Variants in ARHGAP15 observed in about 807,000 individuals in gnomAD.
The protein encoded by ARHGAP15 is Rho GTPase activating protein 15.
In ARHGAP15, 51 loss-of-function variants were observed where a neutral mutation model predicts 63.7. The ratio of observed to expected loss-of-function variants is 0.80; its 90% CI spans 0.64 to 1.01. ARHGAP15 has a LOEUF of 1.01. Ranked by LOEUF, ARHGAP15 falls within the 50% of genes least tolerant of loss-of-function variation. The pLI, the probability that ARHGAP15 is intolerant of heterozygous loss-of-function variation, is 0.00. For missense variants in ARHGAP15, 560 were observed against 564.6 expected (o/e 0.99, Z 0.08); for synonymous variants, 191 against 193.8 (o/e 0.99, Z 0.12).
At chr2:143,139,712 G>A (rs1342322960) in intron 1 of ARHGAP15, among the ~76,000 whole-genome samples, 3 of 152,106 alleles carry the variant, frequency 2.0e-5, no homozygotes, top group Non-Finnish European at 4.4e-5. Flanking sequence ...ACACAGAAGG[G>A]CTAGGACACA....
chr2:143,483,035 G>A (rs542748534), intron 8 of ARHGAP15, among the ~76,000 whole-genome samples: 4 of 152,310 alleles, frequency 2.6e-5, no homozygotes, highest in South Asian at 4.1e-4. Flanking sequence ...GTTTGGCTAC[G>A]TTAAAAACTG....
At chr2:143,730,929 CTTTT>C (rs1191514139) in intron 13 of ARHGAP15, among the ~76,000 whole-genome samples, 3,407 of 87,270 alleles carry the variant, frequency 0.039, 66 homozygotes, top group Middle Eastern at 0.06. Flanking sequence ...GGGAAAAAGG[CTTTT>C]TTTTTTTTTT....
At position 143,361,182 on chromosome 2, in the gene ARHGAP15, T is replaced by A. The variant is rs554266673; in HGVS notation, c.475-74419T>A. On this transcript the variant is annotated intron_variant, in intron 6 of 13. Coordinates refer to ENST00000295095, the MANE Select transcript of ARHGAP15 (RefSeq NM_018460.4). ...CTACACAAGCAAAAAAAAATTTTTT[T>A]TAAATGTACTCAAGATTGAATTAGA... Among the ~76,000 whole-genome samples the A allele has an allele frequency of 3.0e-4, 46 of 152,250 alleles. 1 individual carries two copies. The South Asian group carries it at 4.4e-3, about 14-fold the overall frequency.
chr2:143,541,162 A>T (rs939545192), intron 10 of ARHGAP15, among the ~76,000 whole-genome samples: 24 of 152,124 alleles, frequency 1.6e-4, no homozygotes, highest in African/African-American at 5.1e-4. Flanking sequence ...CTGCCAGTTG[A>T]TCGCATCGGT....
intron 6 of ARHGAP15, among the ~76,000 whole-genome samples, chr2:143,384,459 C>T (rs192553003): frequency 6.6e-6 from 1 of 151,804 alleles, no homozygotes; most frequent in East Asian, 1.9e-4. Context: ...TGTTGGCCAC[C>T]TCGGAGACTA....
chr2:143,720,572 T>C (rs1174833306), intron 13 of ARHGAP15, among the ~76,000 whole-genome samples: 3 of 152,100 alleles, frequency 2.0e-5, no homozygotes, highest in Non-Finnish European at 4.4e-5. Context: ...CAGTAAACAC[T>C]TTTAAGTACT....
intron 9 of ARHGAP15, among the ~76,000 whole-genome samples, chr2:143,499,041 A>G (rs541252334): frequency 6.6e-6 from 1 of 152,298 alleles, no homozygotes; most frequent in East Asian, 1.9e-4. Context: ...CAGAAGACTG[A>G]CCAGTTTTCC....
At chr2:143,714,160 T>C (rs1174040659) in intron 13 of ARHGAP15, among the ~76,000 whole-genome samples, 1 of 152,220 alleles carries the variant, frequency 6.6e-6, no homozygotes, top group Non-Finnish European at 1.5e-5. Flanking sequence ...CTATACATCT[T>C]AAATCTAGGC....
At chr2:143,242,012 A>G (rs1311330195) in intron 5 of ARHGAP15, among the ~76,000 whole-genome samples, 1 of 152,210 alleles carries the variant, frequency 6.6e-6, no homozygotes, top group Non-Finnish European at 1.5e-5. Context: ...TTTATCTCCC[A>G]TATTTCTTCC....
intron 6 of ARHGAP15, among the ~76,000 whole-genome samples, chr2:143,311,563 G>GC (rs1683450058): frequency 6.6e-6 from 1 of 152,046 alleles, no homozygotes; most frequent in Non-Finnish European, 1.5e-5. Context: ...GGGTGTGCAT[G>GC]CCTTAGCTCC....
At chr2:143,587,979 A>C (rs774358418) in intron 11 of ARHGAP15, among the ~76,000 whole-genome samples, 26 of 152,162 alleles carry the variant, frequency 1.7e-4, no homozygotes, top group Non-Finnish European at 5.9e-5. Context: ...CGATTTAACA[A>C]TGTTTTCTTT....
chr2:143,573,177 C>G (rs532024586), intron 11 of ARHGAP15, among the ~76,000 whole-genome samples: 1 of 152,068 alleles, frequency 6.6e-6, no homozygotes, highest in East Asian at 1.9e-4. Flanking sequence ...CAGAAAGATG[C>G]CTTAAAGCAA....
Position 143,154,172 on chromosome 2 carries a change from G to A in ARHGAP15, c.-14-1305G>A, listed in dbSNP as rs146599281. Among the ~76,000 whole-genome samples the A allele has an allele frequency of 1.2e-3, 186 of 151,410 alleles. 1 individual carries two copies. The highest frequency in any genetic ancestry group is 4.5e-3 in the African/African-American group (184 of 41,282). On this transcript the variant is annotated intron_variant, in intron 1 of 13. Coordinates refer to ENST00000295095, the MANE Select transcript of ARHGAP15 (RefSeq NM_018460.4). ...CTCATTTTTTTCTTATAAAAATATG[G>A]GTTTAATGGCTATTTTATAGGAGTT...
At chr2:143,373,629 CAAAAAAAAAAAAAAAAA>C (rs58153000) in intron 6 of ARHGAP15, among the ~76,000 whole-genome samples, 1 of 62,954 alleles carries the variant, frequency 1.6e-5, no homozygotes, top group Non-Finnish European at 3.1e-5. Flanking sequence ...GACTCTATCT[CAAAAAAAAAAAAAAAAA>C]AAAAAAAAAA....
chr2:143,700,071 G>A (rs1384568920), intron 12 of ARHGAP15, among the ~76,000 whole-genome samples: 1 of 151,956 alleles, frequency 6.6e-6, no homozygotes, highest in South Asian at 2.1e-4. Context: ...AAATTGCCTA[G>A]CTTTAAAGGA....
At chr2:143,452,259 T>G (rs189706986) in intron 8 of ARHGAP15, among the ~76,000 whole-genome samples, 9 of 151,996 alleles carry the variant, frequency 5.9e-5, no homozygotes, top group African/African-American at 2.2e-4. Context: ...AACTCCTAAA[T>G]TACCCTAAAT....
intron 6 of ARHGAP15, among the ~76,000 whole-genome samples, chr2:143,302,791 T>C (rs890086339): frequency 5.3e-5 from 8 of 152,004 alleles, no homozygotes; most frequent in Admixed American, 2.0e-4. Flanking sequence ...AAAGACTCAA[T>C]TGAATAAATC....
At chr2:143,431,606 C>A in intron 6 of ARHGAP15, among the ~76,000 whole-genome samples, 1 of 152,014 alleles carries the variant, frequency 6.6e-6, no homozygotes. Flanking sequence ...CCTCTGAAAT[C>A]TTGACATGAG....
chr2:143,139,789 A>G (rs1305343434), intron 1 of ARHGAP15, among the ~76,000 whole-genome samples: 2 of 152,044 alleles, frequency 1.3e-5, no homozygotes, highest in African/African-American at 4.8e-5. Context: ...TCTTTCTTAC[A>G]GAGATAGTAG....
Sources: allele counts gnomAD v4.1 joint callset (sites outside exome capture counted in the v4.1 genomes callset), GRCh38; gene constraint gnomAD v4.1.1; transcripts MANE v1.5; gene names NCBI Gene and HGNC (gene_info 2026-07-23, HGNC 2026-07-21).